ENDOV: variants seen among roughly 807,000 people sequenced by gnomAD.
ENDOV encodes the protein hEndoV.
Under a neutral mutation model 39.4 loss-of-function variants are expected in ENDOV, and 37 were observed. The ratio of observed to expected loss-of-function variants is 0.94; its 90% CI spans 0.72 to 1.23. The LOEUF (loss-of-function observed/expected upper bound fraction) is 1.23. ENDOV is among the 50% of genes most tolerant of loss of function. The pLI, the probability that ENDOV is intolerant of heterozygous loss-of-function variation, is 0.00. For synonymous variants in ENDOV, 186 were observed against 163.4 expected (o/e 1.14, Z -1.05); for missense variants, 441 against 375.7 (o/e 1.17, Z -1.44).
rs1014699843 is a variant in ENDOV, at chr17:80,415,816, C to G, written c.223C>G (p.Leu75Val). The change falls in exon 2 of 10, where the codon CTC (leucine) becomes GTC (valine). Residue 75 changes from leucine (L) to valine (V), a missense_variant. By Grantham distance (32) the Leu-to-Val change is conservative (BLOSUM62 1). Coordinates refer to ENST00000518137, the MANE Select transcript of ENDOV (RefSeq NM_173627.5). ...ASLVVLSFPE[L>V]EVVYEESRMV... is the part of the protein sequence containing the mutation. Reference sequence around the variant, plus strand: ...CCTGGTGGTGCTCAGCTTCCCTGAGCTCGAGGTAACCTGGGAGGACGCCGA... The same window carrying G: ...CCTGGTGGTGCTCAGCTTCCCTGAGGTCGAGGTAACCTGGGAGGACGCCGA... 5 of 1,592,636 alleles carry G rather than the reference C, an allele frequency of 3.1e-6. No individual in the cohort carries two copies. Among genetic ancestry groups the G allele is most frequent in the African/African-American group, 2.7e-5 (2 of 74,610 alleles).
intron 2 of ENDOV, among the ~76,000 whole-genome samples, chr17:80,421,522 G>T (rs2082027972): frequency 6.8e-6 from 1 of 146,400 alleles, no homozygotes; most frequent in East Asian, 2.1e-4. Flanking sequence ...AGGTCCCGGT[G>T]GGGGCGGGGT....
chr17:80,417,533 C>G (rs555379304), intron 2 of ENDOV: 1 of 152,390 alleles, frequency 6.6e-6, no homozygotes, highest in Non-Finnish European at 1.5e-5. Flanking sequence ...CCAGCGCAAT[C>G]AGGTTGTGGT....
rs760794018 is a variant in ENDOV at position 80,415,685 on chromosome 17, G to A, written c.92G>A (p.Arg31Gln). Residue 31 changes from arginine (R) to glutamine (Q), a missense_variant, in exon 2 of 10, where the codon CGG becomes CAG. Transcript: ENST00000518137. ...CGGCTGAAGGCCCACGTCGTAGACC[G>A]GGACACCGAGGCGTGGCAGCGAGAC... is the stretch of plus-strand genomic sequence containing the variant. Reference protein sequence around the residue: ...QARLKAHVVDRDTEAWQRDPA... With the variant: ...QARLKAHVVDQDTEAWQRDPA... 2 of 1,612,228 alleles carry A rather than the reference G, an allele frequency of 1.2e-6. No individual in the cohort carries two copies. Among genetic ancestry groups the A allele is most frequent in the South Asian group, 1.1e-5 (1 of 90,660 alleles).
intron 1 of ENDOV, 60 bp from the exon 2 acceptor site, chr17:80,415,590 G>C: frequency 6.4e-7 from 1 of 1,566,188 alleles, no homozygotes; most frequent in Non-Finnish European, 8.7e-7. Flanking sequence ...AGCCGCGCGG[G>C]TGGAGGAGGC....
rs776852341 is a variant in ENDOV, at chr17:80,415,697, C to T, written c.104C>T (p.Ala35Val). The change falls in exon 2 of 10, where the codon GCG becomes GTG. Residue 35 changes from alanine (A) to valine (V), a missense_variant. Coordinates refer to ENST00000518137, the MANE Select transcript of ENDOV (RefSeq NM_173627.5). ...KAHVVDRDTE[A>V]WQRDPAFSGL... is the part of the protein sequence containing the mutation. ...CACGTCGTAGACCGGGACACCGAGGCGTGGCAGCGAGACCCCGCCTTCTCG... is the reference window on the plus strand; with the variant it reads ...CACGTCGTAGACCGGGACACCGAGGTGTGGCAGCGAGACCCCGCCTTCTCG... 1 of 1,611,726 alleles carries T rather than the reference C, an allele frequency of 6.2e-7. No individual in the cohort carries two copies.
chr17:80,421,985 G>T (rs201508694), intron 3 of ENDOV, 23 bp downstream of exon 3: 1 of 1,604,808 alleles, frequency 6.2e-7, no homozygotes, highest in Non-Finnish European at 8.5e-7. Flanking sequence ...TCCCTAGGAC[G>T]AGAGAAAGGT....
intron 9 of ENDOV, 45 bp downstream of exon 9, chr17:80,429,876 G>T: frequency 6.2e-7 from 1 of 1,612,600 alleles, no homozygotes; most frequent in Non-Finnish European, 8.5e-7. Context: ...CCCCAGGACA[G>T]CCCCAAGGCC....
intron 9 of ENDOV, chr17:80,430,288 G>C (rs995909651): frequency 2.9e-5 from 43 of 1,501,686 alleles, no homozygotes; most frequent in Non-Finnish European, 3.6e-5. Flanking sequence ...CACGACCCCT[G>C]CAGCCTGTGC....
chr17:80,431,423 A>G (rs2083319450), intron 9 of ENDOV, among the ~76,000 whole-genome samples: 1 of 152,140 alleles, frequency 6.6e-6, no homozygotes, highest in Non-Finnish European at 1.5e-5. Flanking sequence ...TTCTATAAGA[A>G]GTAGACTCAC....
intron 9 of ENDOV, among the ~76,000 whole-genome samples, chr17:80,432,234 C>T (rs968953292): frequency 1.2e-4 from 18 of 152,020 alleles, no homozygotes; most frequent in African/African-American, 2.7e-4. Context: ...TCTTGCCCAG[C>T]GGTGGACACT....
In ENDOV at chr17:80,423,524, T is replaced by C. The variant is rs1158377810; in HGVS notation, c.408T>C (p.Phe136=). 1 of 1,550,508 alleles carries C rather than the reference T, an allele frequency of 6.4e-7. No homozygotes were observed. The highest frequency in any genetic ancestry group is 8.7e-7 in the Non-Finnish European group (1 of 1,146,686). Residue 136 remains phenylalanine, a synonymous_variant, in exon 5 of 10, where the codon TTT becomes TTC. Transcript: ENST00000518137. ...DGNGVLHHRG[F]GVACHLGVLT... The stretch of plus-strand genomic sequence containing the variant: ...ACCCTCCTTTCTCTCTGGCAGGCTT[T>C]GGGGTGGCCTGCCACCTTGGCGTCC...
chr17:80,432,749 C>T (rs983154251), intron 9 of ENDOV, among the ~76,000 whole-genome samples: 5 of 151,956 alleles, frequency 3.3e-5, no homozygotes, highest in East Asian at 3.9e-4. Context: ...CAAGCAGAGT[C>T]GTGGGAGATG....
Position 80,416,726 on chromosome 17 carries a change from T to TCCTTCCTC in ENDOV, c.228+913_228+920dup, listed in dbSNP as rs1414211742. 4.0e-4 allele frequency among the ~76,000 whole-genome samples: 53 copies of TCCTTCCTC among 133,358 alleles called. 1 individual carries two copies. Among genetic ancestry groups the TCCTTCCTC allele is most frequent in the East Asian group, 2.1e-3 (8 of 3,756 alleles). 87.5% of individuals were successfully genotyped at this position (133,358 alleles called of 152,430 possible). Reference sequence around the variant, plus strand: ...TCCCTCCCTCCCTTCCTTCCTTCCTTCCTTCCTCCCTTCCTTCCTCTCTCT... The same window carrying TCCTTCCTC: ...TCCCTCCCTCCCTTCCTTCCTTCCTTCCTTCCTCCCTTCCTCCCTTCCTTCCTCTCTCT... On this transcript the variant is annotated intron_variant, in intron 2 of 9. Coordinates refer to ENST00000518137, the MANE Select transcript of ENDOV (RefSeq NM_173627.5).
At chr17:80,422,845 G>A (rs1004930601) in intron 4 of ENDOV, among the ~76,000 whole-genome samples, 3 of 152,216 alleles carry the variant, frequency 2.0e-5, no homozygotes, top group African/African-American at 7.2e-5. Context: ...GACTACAGGT[G>A]CCCATCACCA....
chr17:80,431,563 G>A (rs541090405), intron 9 of ENDOV, among the ~76,000 whole-genome samples: 2 of 152,362 alleles, frequency 1.3e-5, no homozygotes, highest in Non-Finnish European at 2.9e-5. Flanking sequence ...CATCGGCAAC[G>A]CTGGCCGGAA....
intron 2 of ENDOV, chr17:80,417,389 C>T (rs781138408): frequency 1.1e-4 from 17 of 152,250 alleles, no homozygotes; most frequent in South Asian, 8.3e-4. Context: ...TCCCACAAGA[C>T]GAGGACTTGT....
intron 3 of ENDOV, 109 bp from the exon 4 acceptor site, chr17:80,422,097 T>G: frequency 6.4e-7 from 1 of 1,570,042 alleles, no homozygotes; most frequent in African/African-American, 1.4e-5. Flanking sequence ...TGAGGATTTC[T>G]AAAAAGCTGG....
chr17:80,434,570 A>G (rs747279557), intron 9 of ENDOV, among the ~76,000 whole-genome samples: 51 of 152,300 alleles, frequency 3.3e-4, no homozygotes, highest in Admixed American at 7.8e-4. Flanking sequence ...GCAATGCCCA[A>G]GGGTTCCAGG....
chr17:80,419,170 C>CAAAA (rs67490024), intron 2 of ENDOV, among the ~76,000 whole-genome samples: 2 of 103,550 alleles, frequency 1.9e-5, no homozygotes, highest in African/African-American at 4.0e-5. Context: ...AGGACTCTGT[C>CAAAA]AAAAAAAAAA....
Sources: allele counts gnomAD v4.1 joint callset (sites outside exome capture counted in the v4.1 genomes callset), GRCh38; gene constraint gnomAD v4.1.1; transcripts MANE v1.5; gene names NCBI Gene and HGNC (gene_info 2026-07-23, HGNC 2026-07-21).